Variants in UNC79 observed in about 807,000 individuals in gnomAD.
UNC79 encodes protein unc-79 homolog.
In UNC79, 37 loss-of-function variants were observed where a neutral mutation model predicts 283.1. The ratio of observed to expected loss-of-function variants is 0.13; its 90% CI spans 0.10 to 0.17. The LOEUF (loss-of-function observed/expected upper bound fraction) is 0.17, where lower values mean the gene tolerates loss of function less well. Ranked by LOEUF, UNC79 falls within the 10% of genes least tolerant of loss-of-function variation. The pLI, the probability that UNC79 is intolerant of heterozygous loss-of-function variation, is 1.00. For missense variants in UNC79, 2,272 were observed against 3,211.1 expected (o/e 0.71, Z 7.07); for synonymous variants, 1,107 against 1,200.2 (o/e 0.92, Z 1.61).
intron 14 of UNC79, among the ~76,000 whole-genome samples, chr14:93,562,459 C>T (rs1321175542): frequency 6.6e-6 from 1 of 152,078 alleles, no homozygotes; most frequent in Non-Finnish European, 1.5e-5. Context: ...ATGGGCTGTA[C>T]CCTGTAGCAT....
chr14:93,508,727 C>A (rs1244397034), intron 7 of UNC79, among the ~76,000 whole-genome samples: 2 of 151,984 alleles, frequency 1.3e-5, no homozygotes, highest in Non-Finnish European at 1.5e-5. Flanking sequence ...ACATATTGAT[C>A]TTTTATCTCA....
At chr14:93,572,960 T>A (rs1473333980) in intron 16 of UNC79, 144 bp downstream of exon 16, 1 of 927,446 alleles carries the variant, frequency 1.1e-6, no homozygotes, top group African/African-American at 1.7e-5. Context: ...TATGCATAGA[T>A]AAATGAGTAA....
At chr14:93,487,794 C>A in intron 5 of UNC79, 39 bp downstream of exon 5, 1 of 1,568,736 alleles carries the variant, frequency 6.4e-7, no homozygotes, top group Non-Finnish European at 8.7e-7. Context: ...ATTCTAGTAC[C>A]AATAATTAAA....
At chr14:93,706,570 A>G (rs775368198) in intron 48 of UNC79, 134 bp from the exon 52 acceptor site, 15 of 938,280 alleles carry the variant, frequency 1.6e-5, no homozygotes, top group Non-Finnish European at 2.4e-5. Context: ...GCCAGAGTAG[A>G]GAGTTTGCCT....
At chr14:93,634,690 TTC>T in intron 31 of UNC79, 53 bp downstream of exon 34, 2 of 1,453,730 alleles carry the variant, frequency 1.4e-6, no homozygotes, top group Non-Finnish European at 1.9e-6. Context: ...GAATGCTACT[TTC>T]TCTGTGTCCA....
chr14:93,610,672 A>G (rs1485753367), intron 26 of UNC79, among the ~76,000 whole-genome samples: 1 of 150,626 alleles, frequency 6.6e-6, no homozygotes, highest in Non-Finnish European at 1.5e-5. Context: ...GTAGAGTGGC[A>G]TGATCACAGC....
At chr14:93,492,981 G>GT (rs2058809296) in intron 5 of UNC79, among the ~76,000 whole-genome samples, 3 of 152,166 alleles carry the variant, frequency 2.0e-5, no homozygotes, top group African/African-American at 7.2e-5. Flanking sequence ...GAAGCTTATC[G>GT]TATGGTCGGG....
At chr14:93,454,530 C>G (rs1490923708) in intron 1 of UNC79, among the ~76,000 whole-genome samples, 1 of 152,194 alleles carries the variant, frequency 6.6e-6, no homozygotes. Flanking sequence ...GAAAATGGCT[C>G]TATCATTTAC....
intron 5 of UNC79, among the ~76,000 whole-genome samples, chr14:93,493,341 G>A (rs1398833684): frequency 2.0e-5 from 3 of 152,150 alleles, no homozygotes; most frequent in African/African-American, 7.2e-5. Flanking sequence ...CATGCAGGGT[G>A]TTGTGAGCTA....
intron 1 of UNC79, chr14:93,334,918 T>C (rs896302878): frequency 6.6e-6 from 1 of 152,242 alleles, no homozygotes; most frequent in Non-Finnish European, 1.5e-5. Flanking sequence ...AAACACTGCT[T>C]CTTTATAATT....
chr14:93,343,238 A>C (rs1395928786), intron 1 of UNC79, among the ~76,000 whole-genome samples: 1 of 152,232 alleles, frequency 6.6e-6, no homozygotes, highest in African/African-American at 2.4e-5. Context: ...TAAAGAAAAG[A>C]GGTTTAATTG....
At chr14:93,457,829 A>G (rs1047191252) in intron 1 of UNC79, among the ~76,000 whole-genome samples, 2 of 152,188 alleles carry the variant, frequency 1.3e-5, no homozygotes, top group African/African-American at 4.8e-5. Flanking sequence ...GCTGGAGAAG[A>G]GGGTAGACCC....
intron 11 of UNC79, among the ~76,000 whole-genome samples, chr14:93,533,780 G>T (rs557261880): frequency 6.6e-6 from 1 of 152,302 alleles, no homozygotes; most frequent in Non-Finnish European, 1.5e-5. Context: ...GTTATTGAAG[G>T]ATTGGCAAGA....
intron 33 of UNC79, among the ~76,000 whole-genome samples, chr14:93,641,653 G>GCAAAA (rs1491344817): frequency 6.6e-6 from 1 of 152,028 alleles, no homozygotes; most frequent in Non-Finnish European, 1.5e-5. Flanking sequence ...TGTCTCAAAA[G>GCAAAA]CAAAACAAAA....
chr14:93,443,403 A>G (rs10083449), intron 1 of UNC79, among the ~76,000 whole-genome samples: 90,939 of 149,204 alleles, frequency 0.61, 28,387 homozygotes, highest in Middle Eastern at 0.74. Flanking sequence ...CATTCAGTGC[A>G]TACTCTTTTC....
chr14:93,439,060 CTT>C (rs1285806924), intron 1 of UNC79, among the ~76,000 whole-genome samples: 3 of 151,956 alleles, frequency 2.0e-5, no homozygotes, highest in Non-Finnish European at 4.4e-5. Flanking sequence ...GATTTTATAA[CTT>C]TATTTTACTA....
chr14:93,569,306 C>T (rs2063080448), intron 14 of UNC79, among the ~76,000 whole-genome samples: 3 of 152,056 alleles, frequency 2.0e-5, no homozygotes, highest in Non-Finnish European at 4.4e-5. Flanking sequence ...TGTGGTGGCA[C>T]ACGACTGTAG....
chr14:93,628,449 G>GTCT (rs2067739423), intron 30 of UNC79, among the ~76,000 whole-genome samples: 1 of 152,134 alleles, frequency 6.6e-6, no homozygotes, highest in Non-Finnish European at 1.5e-5. Flanking sequence ...GCCCCTACCT[G>GTCT]GTATCTTGAT....
chr14:93,340,571 CT>C (rs1182617864), intron 1 of UNC79, among the ~76,000 whole-genome samples: 1,714 of 135,602 alleles, frequency 0.013, 17 homozygotes, highest in African/African-American at 0.03. Context: ...GTAGGAGAAA[CT>C]TTTTTTTTTT....
Sources: allele counts gnomAD v4.1 joint callset (sites outside exome capture counted in the v4.1 genomes callset), GRCh38; gene constraint gnomAD v4.1.1; transcripts MANE v1.5; gene names NCBI Gene and HGNC (gene_info 2026-07-23, HGNC 2026-07-21).